CAST: variants seen among roughly 807,000 people sequenced by gnomAD.
CAST encodes MIR583 host.
CAST carries 76 observed loss-of-function variants against 119.6 expected under a neutral mutation model. The ratio of observed to expected loss-of-function variants is 0.64; its 90% CI spans 0.53 to 0.77. The LOEUF is 0.77. Ranked by LOEUF, CAST falls within the 30% of genes least tolerant of loss-of-function variation. The probability of loss-of-function intolerance (pLI) is 0.00; values close to 1 mark genes in which losing one functional copy is unlikely to be tolerated. For synonymous variants in CAST, 319 were observed against 331.6 expected, an observed-to-expected ratio of 0.96 and a Z score of 0.41; for missense variants, 953 against 946.5, an observed-to-expected ratio of 1.01 and a Z score of -0.09.
chr5:96,643,374 A>G (rs1048121511), intron 1 of CAST, among the ~76,000 whole-genome samples: 4 of 152,242 alleles, frequency 2.6e-5, no homozygotes, highest in Non-Finnish European at 5.9e-5. Context: ...CTATAGAGGC[A>G]GAAAAGTTAG....
chr5:95,964,221 C>T, the CAST span, among the ~76,000 whole-genome samples: 99 of 152,274 alleles, frequency 6.5e-4, no homozygotes, highest in African/African-American at 2.3e-3. Flanking sequence ...GCATAGTACA[C>T]ATTACGCCTG....
At chr5:96,771,040 G>A (rs1039900054) in intron 30 of CAST, among the ~76,000 whole-genome samples, 6 of 152,066 alleles carry the variant, frequency 3.9e-5, no homozygotes, top group African/African-American at 1.4e-4. Flanking sequence ...ATGATCCCCT[G>A]GCTATAAGGA....
chr5:96,167,469 GGC>G, the CAST span, among the ~76,000 whole-genome samples: 1 of 152,166 alleles, frequency 6.6e-6, no homozygotes, highest in Admixed American at 6.5e-5. Flanking sequence ...AGCTCAAATG[GGC>G]TGTACCCTGT....
intron 2 of CAST, among the ~76,000 whole-genome samples, chr5:96,690,937 A>G (rs991566098): frequency 1.3e-5 from 2 of 152,234 alleles, no homozygotes; most frequent in African/African-American, 4.8e-5. Flanking sequence ...GAGAGTTTTT[A>G]TCTTGAAAAA....
At chr5:96,115,392 T>C in the CAST span, among the ~76,000 whole-genome samples, 2 of 152,354 alleles carry the variant, frequency 1.3e-5, no homozygotes, top group Non-Finnish European at 2.9e-5. Flanking sequence ...GGTGATTGTT[T>C]ATGGGCTAGG....
intron 1 of CAST, among the ~76,000 whole-genome samples, chr5:96,628,106 C>A (rs1213367165): frequency 6.6e-6 from 1 of 152,220 alleles, no homozygotes; most frequent in East Asian, 1.9e-4. Flanking sequence ...TTTTAAAGTG[C>A]TGTTTCAGTG....
At chr5:96,350,483 A>G in the CAST span, among the ~76,000 whole-genome samples, 1 of 152,166 alleles carries the variant, frequency 6.6e-6, no homozygotes, top group Non-Finnish European at 1.5e-5. Flanking sequence ...TTACATTGTC[A>G]GGGTAAAATT....
the CAST span, among the ~76,000 whole-genome samples, chr5:95,997,063 A>G: frequency 6.6e-6 from 1 of 152,180 alleles, no homozygotes; most frequent in Non-Finnish European, 1.5e-5. Flanking sequence ...CAAAGAAGCA[A>G]ACTTAATAGT....
At chr5:96,249,899 CCTTCTAG>C in the CAST span, among the ~76,000 whole-genome samples, 2 of 152,268 alleles carry the variant, frequency 1.3e-5, no homozygotes, top group Admixed American at 1.3e-4. Flanking sequence ...ATGCTTGAAC[CCTTCTAG>C]CGATAGCAAC....
chr5:96,018,183 A>T, the CAST span, among the ~76,000 whole-genome samples: 2 of 152,204 alleles, frequency 1.3e-5, no homozygotes, highest in Non-Finnish European at 2.9e-5. Flanking sequence ...TGCAAATCTG[A>T]AAAGTATGAA....
chr5:96,535,838 G>C (rs1284186981), intron 1 of CAST, among the ~76,000 whole-genome samples: 4 of 151,050 alleles, frequency 2.6e-5, no homozygotes, highest in Non-Finnish European at 5.9e-5. Flanking sequence ...CTCCCAAAGT[G>C]CTGGGATTAC....
At chr5:96,348,768 G>C in the CAST span, among the ~76,000 whole-genome samples, 1 of 152,238 alleles carries the variant, frequency 6.6e-6, no homozygotes, top group African/African-American at 2.4e-5. Context: ...GGACTCAGCA[G>C]GTCCAGGATT....
At chr5:96,126,079 T>A in the CAST span, among the ~76,000 whole-genome samples, 1 of 152,158 alleles carries the variant, frequency 6.6e-6, no homozygotes, top group Non-Finnish European at 1.5e-5. Flanking sequence ...GAAGACCCTC[T>A]TTTAGAAGAA....
At chr5:96,314,623 G>A in the CAST span, among the ~76,000 whole-genome samples, 1 of 151,824 alleles carries the variant, frequency 6.6e-6, no homozygotes, top group Non-Finnish European at 1.5e-5. Flanking sequence ...TTTCTGCCTG[G>A]GTAATTCTTA....
chr5:96,737,871 A>G lies in CAST; in HGVS notation c.722A>G (p.Asp241Gly). 1 of 1,599,848 alleles carries G rather than the reference A, an allele frequency of 6.3e-7. No homozygotes were observed. Among genetic ancestry groups the G allele is most frequent in the Non-Finnish European group, 8.6e-7 (1 of 1,167,322 alleles). ...SGKSGMDAAL[D>G]DLIDTLGGPE... ...CAGTCAGGCATGGATGCTGCTTTGG[A>G]TGACTTAATAGATACTTTAGGAGGA... Residue 241 changes from aspartate to glycine, a missense_variant, in exon 11 of 32, where the codon GAT becomes GGT. By Grantham distance (94) the Asp-to-Gly change is moderately conservative. Transcript: ENST00000675179.
At chr5:96,009,048 A>G in the CAST span, among the ~76,000 whole-genome samples, 4 of 152,148 alleles carry the variant, frequency 2.6e-5, no homozygotes, top group Non-Finnish European at 5.9e-5. Context: ...CCCACTTACA[A>G]GTGAGAACAT....
chr5:96,730,349 ATATTT>A (rs1760197483), intron 8 of CAST, among the ~76,000 whole-genome samples: 1 of 152,218 alleles, frequency 6.6e-6, no homozygotes, highest in African/African-American at 2.4e-5. Flanking sequence ...TGCCACATGT[ATATTT>A]TGTTTGGCTT....
the CAST span, among the ~76,000 whole-genome samples, chr5:96,142,951 G>A: frequency 3.0e-4 from 45 of 152,278 alleles, no homozygotes; most frequent in African/African-American, 9.9e-4. Flanking sequence ...GAGGCAGTAT[G>A]ATTCAGTAGA....
chr5:96,478,166 G>A, the CAST span, among the ~76,000 whole-genome samples: 8 of 152,264 alleles, frequency 5.3e-5, no homozygotes, highest in East Asian at 7.7e-4. Flanking sequence ...AAAATCAAGC[G>A]TTAGTCCTTT....
Sources: allele counts gnomAD v4.1 joint callset (sites outside exome capture counted in the v4.1 genomes callset), GRCh38; gene constraint gnomAD v4.1.1; transcripts MANE v1.5; gene names NCBI Gene and HGNC (gene_info 2026-07-23, HGNC 2026-07-21).